The following MYOM3 variants were observed in gnomAD, a reference collection of about 807,000 sequenced individuals.
MYOM3 encodes the protein myomesin 3.
In MYOM3, 155 loss-of-function variants were observed where a neutral mutation model predicts 191.7. The ratio of observed to expected loss-of-function variants is 0.81; its 90% CI spans 0.71 to 0.92. MYOM3 has a LOEUF of 0.92. MYOM3 is among the 40% of genes least tolerant of loss of function. The pLI, the probability that MYOM3 is intolerant of heterozygous loss-of-function variation, is 0.00. For missense variants in MYOM3, 1,889 were observed against 1,890.6 expected (o/e 1.00, Z 0.02); for synonymous variants, 757 against 762.9 (o/e 0.99, Z 0.13).
At chr1:24,099,386 C>T (rs1299228154) in intron 6 of MYOM3, among the ~76,000 whole-genome samples, 2 of 152,146 alleles carry the variant, frequency 1.3e-5, no homozygotes, top group Non-Finnish European at 2.9e-5. Flanking sequence ...GTCCTCACGG[C>T]CAGCCTCTGA....
intron 15 of MYOM3, 41 bp from the exon 16 acceptor site, chr1:24,084,680 A>T: frequency 6.4e-7 from 1 of 1,565,092 alleles, no homozygotes; most frequent in African/African-American, 1.4e-5. Flanking sequence ...AGGCTGAGTT[A>T]CATGGGTCTG....
intron 23 of MYOM3, among the ~76,000 whole-genome samples, chr1:24,072,329 A>G (rs946854672): frequency 1.1e-4 from 17 of 152,092 alleles, no homozygotes; most frequent in Middle Eastern, 3.4e-3. Context: ...CATATACTTC[A>G]TTAGTCCTCT....
rs770963241 is a variant in MYOM3, at chr1:24,065,872, A to C, written c.3534+19T>G. The C allele has an allele frequency of 1.2e-5, 19 of 1,554,596 alleles. No homozygotes were observed. In the African/African-American group the frequency reaches 2.6e-4, roughly 21 times the overall value. ...CAGCCAAAGGAGAAAGTGAGCCCTG[A>C]AGCTGGAGCCACACTTGCCTCTTCA... is the stretch of plus-strand genomic sequence containing the variant. On this transcript the variant is annotated intron_variant, in intron 29 of 36. Coordinates refer to ENST00000374434, the MANE Select transcript of MYOM3 (RefSeq NM_152372.4).
chr1:24,066,110 G>A (rs6682222), intron 28 of MYOM3, 109 bp from the exon 29 acceptor site: 140,608 of 779,922 alleles, frequency 0.18, 15,832 homozygotes, highest in African/African-American at 0.39. Flanking sequence ...CACATACCAT[G>A]TGTCTCCTCT....
At chr1:24,089,030 CCA>C (rs1273501334) in intron 14 of MYOM3, among the ~76,000 whole-genome samples, 1 of 152,178 alleles carries the variant, frequency 6.6e-6, no homozygotes. Flanking sequence ...GAAGTTCACT[CCA>C]CAAGACCTGC....
intron 5 of MYOM3, among the ~76,000 whole-genome samples, chr1:24,105,230 C>T (rs1232345206): frequency 6.6e-6 from 1 of 152,216 alleles, no homozygotes; most frequent in Non-Finnish European, 1.5e-5. Flanking sequence ...CACATGCAGG[C>T]CGGACAGGAG....
rs1212632821 is a variant in MYOM3 at position 24,071,319 on chromosome 1, C to T, written c.3014-66G>A. On this transcript the variant is annotated intron_variant, in intron 24 of 36. Transcript: ENST00000374434. ...TCTCCCTTTCCCGCTCCCTTCCAGCCCCACCTTGAGCACACCCTTGGCATC... is the reference window on the plus strand; with the variant it reads ...TCTCCCTTTCCCGCTCCCTTCCAGCTCCACCTTGAGCACACCCTTGGCATC... 13 of 1,538,838 alleles carry T rather than the reference C, an allele frequency of 8.4e-6. No homozygotes were observed. The Admixed American group carries it at 2.6e-4, about 30-fold the overall frequency.
At chr1:24,108,860 C>T (rs1644017595) in intron 1 of MYOM3, among the ~76,000 whole-genome samples, 1 of 152,216 alleles carries the variant, frequency 6.6e-6, no homozygotes. Context: ...CCAGGCTTCT[C>T]CTCCACCCCA....
chr1:24,070,418 CAA>C (rs58259293), intron 25 of MYOM3, among the ~76,000 whole-genome samples: 6,785 of 136,538 alleles, frequency 0.05, 533 homozygotes, highest in African/African-American at 0.17. Flanking sequence ...CCTGTCTCTA[CAA>C]AAAAAAAAAA....
chr1:24,109,758 G>A (rs1192094003), intron 1 of MYOM3, among the ~76,000 whole-genome samples: 1 of 152,222 alleles, frequency 6.6e-6, no homozygotes, highest in Admixed American at 6.5e-5. Flanking sequence ...CAGCATGATG[G>A]TGGGGCCATG....
At chr1:24,100,308 G>A (rs1399773774) in intron 5 of MYOM3, among the ~76,000 whole-genome samples, 1 of 152,172 alleles carries the variant, frequency 6.6e-6, no homozygotes, top group Non-Finnish European at 1.5e-5. Context: ...AATTAAATGG[G>A]ATGGGCTTAT....
chr1:24,093,946 T>G (rs1185264324), intron 9 of MYOM3, among the ~76,000 whole-genome samples: 1 of 152,188 alleles, frequency 6.6e-6, no homozygotes. Context: ...CCTCCCTCAC[T>G]GGGCCACGTC....
intron 7 of MYOM3, among the ~76,000 whole-genome samples, chr1:24,096,713 C>T (rs936812452): frequency 2.6e-5 from 4 of 152,030 alleles, no homozygotes; most frequent in Admixed American, 6.5e-5. Flanking sequence ...TGTATGAGTG[C>T]GCGTGTGTGT....
chr1:24,061,454 A>G, intron 33 of MYOM3, 145 bp from the exon 34 acceptor site: 1 of 789,440 alleles, frequency 1.3e-6, no homozygotes, highest in East Asian at 2.7e-5. Context: ...CAGTGGCAGG[A>G]CTGCGTGGGA....
At chr1:24,074,109 T>G in intron 23 of MYOM3, 51 bp downstream of exon 23, 2 of 1,462,468 alleles carry the variant, frequency 1.4e-6, no homozygotes, top group Non-Finnish European at 1.9e-6. Flanking sequence ...GGCATTTGTG[T>G]TTGGGACTCT....
intron 21 of MYOM3, 122 bp from the exon 22 acceptor site, chr1:24,075,597 C>A: frequency 9.6e-7 from 1 of 1,041,302 alleles, no homozygotes. Context: ...TGACTCCTTG[C>A]TGTGGCTGCC....
At position 24,111,921 on chromosome 1, in the gene MYOM3, A is replaced by AACACACACACGTGC. The variant is rs1047642040; in HGVS notation, c.-19+96_-19+109dup. The AACACACACACGTGC allele has an allele frequency of 1.3e-5, 2 of 150,356 alleles. No homozygotes were observed. The highest frequency in any genetic ancestry group is 5.0e-5 in the African/African-American group (2 of 40,396). The allele number at this position is 150,356 out of a possible 1,614,324, so 9.3% of individuals were successfully genotyped here. A position where few individuals can be genotyped will look rare whatever the true frequency, so the allele number is the denominator to read the frequency against. On this transcript the variant is annotated intron_variant, in intron 1 of 36. Coordinates refer to ENST00000374434, the MANE Select transcript of MYOM3 (RefSeq NM_152372.4). This position sits in a 1 kb window ranked among gnomAD's most constrained non-coding sequence, Gnocchi z 4.7. ...ACAACACACAACACACATACACACAAACACACACACGTGCACACACACACA... is the reference window on the plus strand; with the variant it reads ...ACAACACACAACACACATACACACAAACACACACACGTGCACACACACACGTGCACACACACACA...
rs768300771 is a variant in MYOM3 at position 24,105,916 on chromosome 1, T to C, written c.560+4A>G. On this transcript the variant is annotated splice_donor_region_variant and intron_variant, in intron 5 of 36. Transcript: ENST00000374434. ...CAGAACCCCTTCCTGCCCCAGCGGC[T>C]TACCAGGTGACCTGGGGTGGTGGTG... 7 of 1,599,754 alleles carry C rather than the reference T, an allele frequency of 4.4e-6. No homozygotes were observed. Among genetic ancestry groups the C allele is most frequent in the Non-Finnish European group, 6.0e-6 (7 of 1,171,984 alleles).
At chr1:24,097,279 G>A (rs1173485758) in intron 7 of MYOM3, among the ~76,000 whole-genome samples, 2 of 152,208 alleles carry the variant, frequency 1.3e-5, no homozygotes, top group African/African-American at 2.4e-5. Context: ...CAACCTAAGC[G>A]CAATCCGGTG....
Sources: allele counts gnomAD v4.1 joint callset (sites outside exome capture counted in the v4.1 genomes callset), GRCh38; gene constraint gnomAD v4.1.1; non-coding constraint Gnocchi (gnomAD v3.1); transcripts MANE v1.5; gene names NCBI Gene and HGNC (gene_info 2026-07-23, HGNC 2026-07-21).